The following SPATS2L variants were observed in gnomAD, a reference collection of about 807,000 sequenced individuals.
SPATS2L encodes the protein spermatogenesis associated serine rich 2 like.
A neutral mutation model predicts 59.6 loss-of-function variants in SPATS2L; 30 were observed. The ratio of observed to expected loss-of-function variants is 0.50; its 90% confidence interval spans 0.38 to 0.68. The LOEUF is 0.68. SPATS2L is among the 30% of genes least tolerant of loss of function. The probability of loss-of-function intolerance (pLI) is 0.00; values close to 1 mark genes in which losing one functional copy is unlikely to be tolerated. For synonymous variants in SPATS2L, 252 were observed against 263.5 expected (o/e 0.96, Z 0.42); for missense variants, 615 against 700.0 (o/e 0.88, Z 1.37).
intron 8 of SPATS2L, among the ~76,000 whole-genome samples, chr2:200,445,997 C>G (rs753194102): frequency 2.6e-5 from 4 of 152,116 alleles, no homozygotes; most frequent in African/African-American, 4.8e-5. Flanking sequence ...CTTTATAGTC[C>G]TCCCTTGCCT....
At chr2:200,461,401 C>G (rs1432451658) in intron 9 of SPATS2L, 1 of 152,084 alleles carries the variant, frequency 6.6e-6, no homozygotes, top group African/African-American at 2.4e-5. Context: ...GGTAAAGTTA[C>G]TTGAGTAGTA....
chr2:200,457,231 C>T (rs909516425), intron 8 of SPATS2L, among the ~76,000 whole-genome samples: 1 of 87,818 alleles, frequency 1.1e-5, no homozygotes, highest in African/African-American at 3.9e-5. Flanking sequence ...CATACACACA[C>T]ACACACACAC....
At chr2:200,472,691 T>G in intron 11 of SPATS2L, 141 bp from the exon 12 acceptor site, 1 of 711,580 alleles carries the variant, frequency 1.4e-6, no homozygotes, top group South Asian at 1.9e-5. Context: ...CCCTTTCAAA[T>G]AACATCTTTC....
At chr2:200,384,729 A>G (rs147274553) in intron 2 of SPATS2L, among the ~76,000 whole-genome samples, 12 of 152,306 alleles carry the variant, frequency 7.9e-5, no homozygotes, top group Middle Eastern at 3.4e-3. Context: ...TTTATGACTA[A>G]TATGTTTCCC....
At chr2:200,351,423 GA>G in intron 2 of SPATS2L, 1 of 413,606 alleles carries the variant, frequency 2.4e-6, no homozygotes, top group South Asian at 1.8e-5. Flanking sequence ...AAAATCCTGA[GA>G]AATTAAAATT....
intron 2 of SPATS2L, among the ~76,000 whole-genome samples, chr2:200,345,893 C>T (rs558766444): frequency 2.6e-5 from 4 of 152,230 alleles, no homozygotes; most frequent in South Asian, 4.1e-4. Context: ...GAGCTTCAGC[C>T]GTAGGTGGGA....
chr2:200,338,272 A>T (rs886966793), intron 2 of SPATS2L, among the ~76,000 whole-genome samples: 1 of 152,032 alleles, frequency 6.6e-6, no homozygotes, highest in East Asian at 1.9e-4. Context: ...CAATCCACCC[A>T]CCTCGGCCTC....
intron 2 of SPATS2L, among the ~76,000 whole-genome samples, chr2:200,368,822 T>C (rs547024183): frequency 1.3e-5 from 2 of 152,304 alleles, no homozygotes; most frequent in East Asian, 3.9e-4. Flanking sequence ...TAGGGCTCTT[T>C]CTAGGTACTC....
intron 3 of SPATS2L, chr2:200,393,186 TTG>T: frequency 2.2e-6 from 1 of 456,642 alleles, no homozygotes; most frequent in South Asian, 1.5e-5. Context: ...GCTCCTAAAG[TTG>T]GACCATGGAA....
chr2:200,405,680 T>G (rs1425237537), intron 3 of SPATS2L, among the ~76,000 whole-genome samples: 1 of 152,198 alleles, frequency 6.6e-6, no homozygotes, highest in Non-Finnish European at 1.5e-5. Flanking sequence ...TCTGAATGGC[T>G]CAGCATTTGA....
intron 7 of SPATS2L, 101 bp from the exon 8 acceptor site, chr2:200,440,548 A>C: frequency 8.8e-7 from 1 of 1,142,170 alleles, no homozygotes; most frequent in Non-Finnish European, 1.2e-6. Flanking sequence ...ACAAAAGATG[A>C]GTCCCTTTTT....
intron 3 of SPATS2L, among the ~76,000 whole-genome samples, chr2:200,391,821 A>G (rs2082180006): frequency 6.6e-6 from 1 of 152,186 alleles, no homozygotes; most frequent in Non-Finnish European, 1.5e-5. Flanking sequence ...TACCCTTTCC[A>G]CATATTACTG....
At chr2:200,377,058 AT>A (rs1052733995) in intron 2 of SPATS2L, among the ~76,000 whole-genome samples, 2 of 152,208 alleles carry the variant, frequency 1.3e-5, no homozygotes, top group African/African-American at 4.8e-5. Context: ...ATCTATTTAT[AT>A]TCTTTTATAG....
chr2:200,463,885 A>T (rs747071431), intron 9 of SPATS2L, among the ~76,000 whole-genome samples: 2 of 152,094 alleles, frequency 1.3e-5, no homozygotes, highest in Non-Finnish European at 2.9e-5. Context: ...TTTTAAGTAT[A>T]TTTTCTGCTG....
At position 200,414,043 on chromosome 2, in the gene SPATS2L, G is replaced by A. The variant is rs78134055; in HGVS notation, c.148+1624G>A. ...TTTTACTTGCCAACATCACCTGCAT[G>A]GAAAAAAAGCTTTAGGAAAGGGTAA... On this transcript the variant is annotated intron_variant, in intron 4 of 12. Transcript: ENST00000409140. Among the ~76,000 whole-genome samples, 579 of 152,124 alleles carry A rather than the reference G, an allele frequency of 3.8e-3. 3 individuals are homozygous for A. Among genetic ancestry groups the A allele is most frequent in the African/African-American group, 0.013 (540 of 41,494 alleles).
intron 5 of SPATS2L, among the ~76,000 whole-genome samples, chr2:200,417,850 G>A (rs926336423): frequency 1.3e-5 from 2 of 152,176 alleles, no homozygotes; most frequent in Non-Finnish European, 2.9e-5. Flanking sequence ...CAGCTGGCAC[G>A]CACTCATTCA....
intron 9 of SPATS2L, among the ~76,000 whole-genome samples, chr2:200,466,953 GTGT>G (rs2086645366): frequency 6.6e-6 from 1 of 152,194 alleles, no homozygotes; most frequent in African/African-American, 2.4e-5. Context: ...ATTTTAATAA[GTGT>G]TGTTTTTCAG....
intron 5 of SPATS2L, among the ~76,000 whole-genome samples, chr2:200,418,848 G>A (rs2083183770): frequency 6.6e-6 from 1 of 152,000 alleles, no homozygotes. Flanking sequence ...TGGCCTCCTT[G>A]CCTCCCCAGC....
intron 2 of SPATS2L, among the ~76,000 whole-genome samples, chr2:200,331,160 T>C (rs1172727053): frequency 6.6e-6 from 1 of 152,218 alleles, no homozygotes; most frequent in Admixed American, 6.5e-5. Flanking sequence ...GTGTCCGAAT[T>C]CAATTATGAA....
Sources: allele counts gnomAD v4.1 joint callset (sites outside exome capture counted in the v4.1 genomes callset), GRCh38; gene constraint gnomAD v4.1.1; transcripts MANE v1.5; gene names NCBI Gene and HGNC (gene_info 2026-07-23, HGNC 2026-07-21).